The following ZNF208 variants were observed in gnomAD, a reference collection of about 807,000 sequenced individuals.
ZNF208 encodes the protein zinc finger protein 208.
A neutral mutation model predicts 12.1 loss-of-function variants in ZNF208; 10 were observed. The ratio of observed to expected loss-of-function variants is 0.83; its 90% CI spans 0.51 to 1.40. The LOEUF is 1.40. Among genes scored for constraint, ZNF208 ranks in the 40% most tolerant of loss-of-function variants. The pLI, the probability that ZNF208 is intolerant of heterozygous loss-of-function variation, is 0.00. For synonymous variants in ZNF208, 497 were observed against 488.4 expected, an observed-to-expected ratio of 1.02 and a Z score of -0.23; for missense variants, 1,652 against 1,485.0, an observed-to-expected ratio of 1.11 and a Z score of -1.85.
Position 21,970,818 on chromosome 19 carries a change from G to A in ZNF208, c.*373C>T, listed in dbSNP as rs1970265092. 3 of 1,471,878 alleles carry A rather than the reference G, an allele frequency of 2.0e-6. No individual in the cohort carries two copies. The highest frequency in any genetic ancestry group is 2.8e-6 in the Non-Finnish European group (3 of 1,054,776). 91.2% of individuals were successfully genotyped at this position (1,471,878 alleles called of 1,614,324 possible). A position where few individuals can be genotyped will look rare whatever the true frequency, so the allele number is the denominator to read the frequency against. On this transcript the variant is annotated 3_prime_UTR_variant, in exon 4 of 4. Transcript: ENST00000397126. ...AATTTTCTTATGTTTACTAAAGACT[G>A]AGAACCAGCTGAAGGCTTTGCCACT... is the stretch of plus-strand genomic sequence containing the variant.
At chr19:22,000,170 C>T (rs1334257191) in intron 1 of ZNF208, among the ~76,000 whole-genome samples, 1 of 152,170 alleles carries the variant, frequency 6.6e-6, no homozygotes, top group East Asian at 1.9e-4. Context: ...AAATTAACAA[C>T]AATATTACGA....
In ZNF208 at chr19:21,969,776, A is replaced by G. The variant is rs1970245392; in HGVS notation, c.*1415T>C. Among the ~76,000 whole-genome samples, 1 of 152,176 alleles carries G rather than the reference A, an allele frequency of 6.6e-6. No individual in the cohort carries two copies. The highest frequency in any genetic ancestry group is 1.5e-5 in the Non-Finnish European group (1 of 68,018). On this transcript the variant is annotated 3_prime_UTR_variant, in exon 4 of 4. Transcript: ENST00000397126. ...TTTATAATGTGTTTCCTCAAAATAA[A>G]TATTCTTCTGTACTTTAACAGCTTT...
chr19:21,974,492 G>C lies in ZNF208; in HGVS notation c.542C>G (p.Ser181Ter), dbSNP rs1970388445. Residue 181 changes from serine to a stop codon, truncating the protein, a stop_gained, in exon 4 of 4, where the codon TCA (serine) becomes TGA (stop). Transcript: ENST00000397126. LOFTEE classifies it low-confidence loss of function (END_TRUNC). ...KHLQCKEYVR[S>*]FCMLSHLSQH... ...AGATAGGTGTGAAAGCATGCAAAAT[G>C]ATCTGACGTATTCTTTACATTGCAA... is the stretch of plus-strand genomic sequence containing the variant. The C allele has an allele frequency of 6.2e-7, 1 of 1,613,554 alleles. No individual in the cohort carries two copies. The highest frequency in any genetic ancestry group is 1.3e-5 in the African/African-American group (1 of 74,908).
chr19:21,984,671 T>A (rs1185665800), intron 3 of ZNF208, among the ~76,000 whole-genome samples: 2 of 152,226 alleles, frequency 1.3e-5, no homozygotes, highest in Admixed American at 6.5e-5. Flanking sequence ...TCCTATTCAA[T>A]GTAATCTATA....
At chr19:21,984,585 AT>A (rs200746922) in intron 3 of ZNF208, among the ~76,000 whole-genome samples, 4,088 of 152,182 alleles carry the variant, frequency 0.027, 162 homozygotes, top group African/African-American at 0.091. Context: ...AACAAAAAAA[AT>A]ATATATGAAT....
chr19:22,008,159 CG>C (rs1427285443), intron 1 of ZNF208, among the ~76,000 whole-genome samples: 1 of 151,246 alleles, frequency 6.6e-6, no homozygotes, highest in Non-Finnish European at 1.5e-5. Context: ...AAAAATTAGC[CG>C]GGTGTGGTGG....
intron 1 of ZNF208, chr19:21,991,837 GT>G (rs1299863285): frequency 1.2e-4 from 18 of 151,706 alleles, no homozygotes; most frequent in Admixed American, 2.0e-4. Context: ...GAGTTAGAAG[GT>G]ATCACTCAAA....
At chr19:21,980,804 T>G (rs2214298) in intron 3 of ZNF208, among the ~76,000 whole-genome samples, 1 of 151,760 alleles carries the variant, frequency 6.6e-6, no homozygotes, top group African/African-American at 2.4e-5. Context: ...ATTAACAAAA[T>G]AGACTGCTAG....
At chr19:21,997,572 C>A (rs1179443031) in intron 1 of ZNF208, 1 of 152,132 alleles carries the variant, frequency 6.6e-6, no homozygotes, top group Non-Finnish European at 1.5e-5. Flanking sequence ...AGGCACAGCC[C>A]ACAGCACAGG....
chr19:21,946,626 T>C (rs538415073), intron 4 of ZNF208, among the ~76,000 whole-genome samples: 1 of 152,334 alleles, frequency 6.6e-6, no homozygotes, highest in South Asian at 2.1e-4. Flanking sequence ...GATAAAACTA[T>C]AACATATTTT....
In ZNF208 at chr19:21,974,408, G is replaced by C. The variant is rs766484767; in HGVS notation, c.626C>G (p.Ala209Gly). ...AGTAAGGGTTGAGGACCAGTTAAAA[G>C]CTTTGCCACCTTCTTCACATTTGTA... ...NSYKCEEGGKAFNWSSTLTYY... is the reference protein window; with the variant it reads ...NSYKCEEGGKGFNWSSTLTYY... The change falls in exon 4 of 4, where the codon GCT becomes GGT. Residue 209 changes from alanine (A) to glycine (G), a missense_variant. By Grantham distance (60) the Ala-to-Gly change is moderately conservative (BLOSUM62 0). Transcript: ENST00000397126. 9 of 1,613,680 alleles carry C rather than the reference G, an allele frequency of 5.6e-6. No individual in the cohort carries two copies. The East Asian group carries it at 2.0e-4, about 36-fold the overall frequency.
At chr19:21,949,125 C>CA (rs1442837973) in intron 4 of ZNF208, among the ~76,000 whole-genome samples, 2 of 152,076 alleles carry the variant, frequency 1.3e-5, no homozygotes, top group African/African-American at 4.8e-5. Flanking sequence ...TCTGATATGA[C>CA]AAAAAAGGTT....
At chr19:21,965,338 T>G (rs977805323), downstream of ZNF208, among the ~76,000 whole-genome samples, 13 of 152,094 alleles carry the variant, frequency 8.5e-5, no homozygotes, top group African/African-American at 2.9e-4. Flanking sequence ...AAATTAGAAA[T>G]GTCATGGTTC....
chr19:21,966,091 G>A (rs1476387024), downstream of ZNF208: 1 of 137,428 alleles, frequency 7.3e-6, no homozygotes, highest in Non-Finnish European at 1.5e-5. Context: ...AATAGAACAT[G>A]TCATTATACC....
downstream of ZNF208, among the ~76,000 whole-genome samples, chr19:21,962,688 A>G (rs1970094346): frequency 1.3e-5 from 2 of 152,152 alleles, no homozygotes; most frequent in South Asian, 4.1e-4. Flanking sequence ...GCAGTTTTCT[A>G]GCATGACAGC....
At chr19:22,000,622 TAAC>T (rs1211292260) in intron 1 of ZNF208, among the ~76,000 whole-genome samples, 1 of 152,062 alleles carries the variant, frequency 6.6e-6, no homozygotes, top group Non-Finnish European at 1.5e-5. Context: ...GATCTCAGTT[TAAC>T]AACCTGACAT....
chr19:22,004,649 T>G (rs2145585891), intron 1 of ZNF208, among the ~76,000 whole-genome samples: 1 of 152,318 alleles, frequency 6.6e-6, no homozygotes, highest in African/African-American at 2.4e-5. Flanking sequence ...ATCATTATTC[T>G]TAGAAAACTG....
chr19:21,982,464 C>T (rs1207408254), intron 3 of ZNF208, among the ~76,000 whole-genome samples: 2 of 151,908 alleles, frequency 1.3e-5, no homozygotes, highest in East Asian at 3.9e-4. Context: ...TCAATGCTAT[C>T]CCCATCAAGC....
chr19:22,002,102 A>G (rs1192386734), intron 1 of ZNF208, among the ~76,000 whole-genome samples: 1 of 152,040 alleles, frequency 6.6e-6, no homozygotes, highest in Non-Finnish European at 1.5e-5. Context: ...AGAAAGCACA[A>G]GATTATCTCA....
Sources: gnomAD v4.1 joint callset for allele counts (sites outside exome capture counted in the v4.1 genomes callset) on GRCh38, gnomAD v4.1.1 for gene constraint, MANE v1.5 for transcripts, NCBI Gene and HGNC (gene_info 2026-07-23, HGNC 2026-07-21) for gene names.